The following FBXO21 variants were observed in gnomAD, a reference collection of about 807,000 sequenced individuals.
The protein encoded by FBXO21 is F-box only protein 21.
FBXO21 carries 32 observed loss-of-function variants against 76.6 expected under a neutral mutation model. That is an observed-to-expected ratio of 0.42 (90% CI 0.32 to 0.56). The LOEUF is 0.56. Ranked by LOEUF, FBXO21 falls within the 20% of genes least tolerant of loss-of-function variation. The probability of loss-of-function intolerance (pLI) is 0.16; values close to 1 mark genes in which losing one functional copy is unlikely to be tolerated. For missense variants in FBXO21, 586 were observed against 797.3 expected (o/e 0.73, Z 3.19); for synonymous variants, 328 against 311.5 (o/e 1.05, Z -0.56).
At chr12:117,180,321 G>C (rs1956215233) in intron 3 of FBXO21, among the ~76,000 whole-genome samples, 1 of 152,200 alleles carries the variant, frequency 6.6e-6, no homozygotes, top group Admixed American at 6.5e-5. Context: ...AACAGACGTA[G>C]GAAGCCTAGT....
intron 4 of FBXO21, among the ~76,000 whole-genome samples, chr12:117,175,001 A>T (rs939263359): frequency 1.3e-5 from 2 of 152,152 alleles, no homozygotes; most frequent in Non-Finnish European, 2.9e-5. Context: ...ACTTTAAAAA[A>T]AAAAATACAT....
intron 11 of FBXO21, 180 bp downstream of exon 11, chr12:117,155,611 G>A (rs1278510095): frequency 2.9e-6 from 2 of 684,916 alleles, no homozygotes; most frequent in African/African-American, 1.8e-5. Flanking sequence ...TCGCCAGGGC[G>A]GCACCTGTGC....
chr12:117,164,569 C>G (rs1158905880), intron 9 of FBXO21, among the ~76,000 whole-genome samples: 2 of 152,162 alleles, frequency 1.3e-5, no homozygotes, highest in Non-Finnish European at 2.9e-5. Context: ...AGCCACCATG[C>G]CCGGCTGACA....
chr12:117,164,006 C>T (rs1956017543), intron 9 of FBXO21, among the ~76,000 whole-genome samples: 1 of 151,366 alleles, frequency 6.6e-6, no homozygotes, highest in Non-Finnish European at 1.5e-5. Context: ...GTGGCACACA[C>T]TTGTAATCCC....
At chr12:117,147,221 A>G (rs1381158749) in intron 11 of FBXO21, among the ~76,000 whole-genome samples, 1 of 150,926 alleles carries the variant, frequency 6.6e-6, no homozygotes, top group African/African-American at 2.4e-5. Context: ...CAGCCTGGAC[A>G]ACAAGAGCAA....
In FBXO21 at chr12:117,162,254, T is replaced by C. The variant is rs899228973; in HGVS notation, c.1326+3231A>G. Among the ~76,000 whole-genome samples, 4 of 146,756 alleles carry C rather than the reference T, an allele frequency of 2.7e-5. No homozygotes were observed. In the Admixed American group the frequency reaches 3.0e-4, roughly 11 times the overall value. On this transcript the variant is annotated intron_variant, in intron 9 of 11. Coordinates refer to ENST00000622495, the MANE Select transcript of FBXO21 (RefSeq NM_015002.3). ...CTATGGATCATGATGAGGACGAAGG[T>C]CTGGCAGCAGGAAGGAGAAGGTGCC...
chr12:117,150,536 G>A (rs1047572101), intron 11 of FBXO21, among the ~76,000 whole-genome samples: 3 of 152,136 alleles, frequency 2.0e-5, no homozygotes, highest in Non-Finnish European at 2.9e-5. Flanking sequence ...TAAACAAAAC[G>A]TATTCTAACC....
intron 2 of FBXO21, chr12:117,189,002 A>ACT (rs1312534600): frequency 3.5e-6 from 2 of 566,922 alleles, no homozygotes; most frequent in Non-Finnish European, 6.3e-6. Flanking sequence ...CTCCACCCCC[A>ACT]CTCTCTCTCT....
At chr12:117,175,453 C>T (rs1423670614) in intron 4 of FBXO21, among the ~76,000 whole-genome samples, 1 of 152,214 alleles carries the variant, frequency 6.6e-6, no homozygotes, top group East Asian at 1.9e-4. Context: ...GGGCTAACAG[C>T]ATCATTTGGG....
chr12:117,183,237 T>A (rs953447825), intron 3 of FBXO21, among the ~76,000 whole-genome samples: 2 of 151,410 alleles, frequency 1.3e-5, no homozygotes, highest in African/African-American at 2.4e-5. Context: ...AATGGCAGTA[T>A]CTCATTGCTG....
chr12:117,163,913 C>T (rs1433911003), intron 9 of FBXO21, among the ~76,000 whole-genome samples: 1 of 152,036 alleles, frequency 6.6e-6, no homozygotes, highest in African/African-American at 2.4e-5. Context: ...CGCTGCACTC[C>T]AGCCTGGGCG....
chr12:117,189,120 G>C, intron 2 of FBXO21, 107 bp downstream of exon 2: 2 of 1,252,952 alleles, frequency 1.6e-6, no homozygotes, highest in Non-Finnish European at 2.3e-6. Flanking sequence ...GGGATTGTGA[G>C]AGCATTGAAA....
chr12:117,170,788 G>T (rs2135869739), intron 7 of FBXO21, among the ~76,000 whole-genome samples: 1 of 152,248 alleles, frequency 6.6e-6, no homozygotes, highest in African/African-American at 2.4e-5. Context: ...CATGGTAATT[G>T]GTGTCTTAAA....
intron 11 of FBXO21, among the ~76,000 whole-genome samples, chr12:117,153,299 C>T (rs1358914563): frequency 6.6e-6 from 1 of 152,084 alleles, no homozygotes; most frequent in Admixed American, 6.5e-5. Flanking sequence ...CAAGACACGG[C>T]CCCCACGTGG....
intron 11 of FBXO21, among the ~76,000 whole-genome samples, chr12:117,154,789 T>C (rs1258537416): frequency 6.6e-6 from 1 of 152,170 alleles, no homozygotes; most frequent in Non-Finnish European, 1.5e-5. Flanking sequence ...AGTTCTGAGG[T>C]TTTTATACAT....
intron 6 of FBXO21, among the ~76,000 whole-genome samples, chr12:117,173,743 A>C (rs1267685741): frequency 1.3e-5 from 2 of 152,212 alleles, no homozygotes; most frequent in African/African-American, 4.8e-5. Flanking sequence ...AAACTCCACA[A>C]CAATATCCTT....
chr12:117,166,812 A>G, intron 8 of FBXO21, 86 bp downstream of exon 8: 1 of 1,191,430 alleles, frequency 8.4e-7, no homozygotes, highest in Non-Finnish European at 1.2e-6. Flanking sequence ...ATCTCAACGA[A>G]AAGTCACTTG....
At chr12:117,176,786 T>A (rs867122349) in intron 4 of FBXO21, among the ~76,000 whole-genome samples, 50 of 151,552 alleles carry the variant, frequency 3.3e-4, no homozygotes, top group Middle Eastern at 3.4e-3. Flanking sequence ...ACATTTTTTT[T>A]AAAAAAAGGA....
At chr12:117,187,562 C>T (rs2135890040) in intron 2 of FBXO21, among the ~76,000 whole-genome samples, 1 of 152,216 alleles carries the variant, frequency 6.6e-6, no homozygotes, top group Non-Finnish European at 1.5e-5. Flanking sequence ...AGATCCCGGG[C>T]CAAAGCAATC....
Sources: gnomAD v4.1 joint callset for allele counts (sites outside exome capture counted in the v4.1 genomes callset) on GRCh38, gnomAD v4.1.1 for gene constraint, MANE v1.5 for transcripts, NCBI Gene and HGNC (gene_info 2026-07-23, HGNC 2026-07-21) for gene names.